Variants in DCAF12 observed in about 807,000 individuals in gnomAD.
DCAF12 encodes DDB1 and CUL4 associated factor 12, also known as DDB1- and CUL4-associated factor 12.
A neutral mutation model predicts 52.8 loss-of-function variants in DCAF12; 28 were observed. The observed-to-expected ratio is 0.53, with a 90% CI of 0.39 to 0.73. The LOEUF (loss-of-function observed/expected upper bound fraction) is 0.73, where lower values mean the gene tolerates loss of function less well. Ranked by LOEUF, DCAF12 falls within the 30% of genes least tolerant of loss-of-function variation. DCAF12 has a pLI of 0.00. For missense variants in DCAF12, 425 were observed against 552.2 expected (o/e 0.77, Z 2.31); for synonymous variants, 196 against 215.5 (o/e 0.91, Z 0.79).
chr9:34,115,597 C>CAA (rs546868535), intron 2 of DCAF12, among the ~76,000 whole-genome samples: 1 of 137,102 alleles, frequency 7.3e-6, no homozygotes, highest in African/African-American at 2.7e-5. Context: ...GACTTCGTCT[C>CAA]AAAAAAAAAA....
At chr9:34,103,818 A>G (rs555492378) in intron 4 of DCAF12, among the ~76,000 whole-genome samples, 3 of 152,234 alleles carry the variant, frequency 2.0e-5, no homozygotes, top group South Asian at 2.1e-4. Context: ...TCCAGCCTAC[A>G]TAACAGAGTG....
chr9:34,094,687 C>T (rs954052130), intron 6 of DCAF12, among the ~76,000 whole-genome samples: 19 of 151,892 alleles, frequency 1.3e-4, no homozygotes, highest in African/African-American at 3.6e-4. Flanking sequence ...CCCACCACCA[C>T]GCCCGGCTAA....
chr9:34,126,277 G>A, intron 1 of DCAF12, 77 bp downstream of exon 1: 1 of 1,558,446 alleles, frequency 6.4e-7, no homozygotes, highest in Non-Finnish European at 8.7e-7. Context: ...CCCGATTCCC[G>A]TCGCAGGATC....
intron 2 of DCAF12, among the ~76,000 whole-genome samples, chr9:34,124,026 T>A (rs1210890830): frequency 2.0e-5 from 3 of 152,336 alleles, no homozygotes; most frequent in Non-Finnish European, 4.4e-5. Context: ...ATGTCCTTTA[T>A]AAACAGACCA....
At chr9:34,112,871 C>A (rs574771402) in intron 2 of DCAF12, among the ~76,000 whole-genome samples, 1 of 152,250 alleles carries the variant, frequency 6.6e-6, no homozygotes, top group East Asian at 1.9e-4. Flanking sequence ...GCACTCCAAC[C>A]TGGGCAATAA....
At position 34,088,331 on chromosome 9, in the gene DCAF12, T is replaced by A; in HGVS notation, c.*19A>T. On this transcript the variant is annotated 3_prime_UTR_variant, in exon 9 of 9. Coordinates refer to ENST00000361264, the MANE Select transcript of DCAF12 (RefSeq NM_015397.4). ...GAGAATGGAAGTTAGTGTAAATCTCTGCATTTGGGGAGTTGTCATTAACTC... is the reference window on the plus strand; with the variant it reads ...GAGAATGGAAGTTAGTGTAAATCTCAGCATTTGGGGAGTTGTCATTAACTC... 6.5e-7 allele frequency: 1 copy of A among 1,528,094 alleles called. No homozygotes were observed. The highest frequency in any genetic ancestry group is 1.4e-5 in the African/African-American group (1 of 71,266). 94.7% of individuals were successfully genotyped at this position (1,528,094 alleles called of 1,614,324 possible).
chr9:34,105,132 A>C (rs12347013), intron 4 of DCAF12, among the ~76,000 whole-genome samples: 37,162 of 151,628 alleles, frequency 0.25, 4,811 homozygotes, highest in African/African-American at 0.32. Flanking sequence ...GGGCACCTGT[A>C]ATCCCAGCTA....
intron 2 of DCAF12, among the ~76,000 whole-genome samples, chr9:34,120,076 G>A (rs544330454): frequency 1.3e-5 from 2 of 151,552 alleles, no homozygotes; most frequent in East Asian, 1.9e-4. Context: ...GGTGGTGGGC[G>A]CCTATAATCC....
chr9:34,125,232 C>G lies in DCAF12; in HGVS notation c.124G>C (p.Val42Leu), dbSNP rs371708410. 3.0e-5 allele frequency: 49 copies of G among 1,614,088 alleles called. No individual in the cohort carries two copies. Among genetic ancestry groups the G allele is most frequent in the Non-Finnish European group, 3.6e-5 (43 of 1,180,052 alleles). ...SLHKRKRLPP[V>L]KRSLVYYLKN... ...AAGTAGTATACTAAGGATCTCTTCA[C>G]AGGAGGAAGTCTTTTCCTTTTGTGA... Residue 42 changes from valine to leucine, a missense_variant, in exon 2 of 9, where the codon GTG becomes CTG. Transcript: ENST00000361264.
chr9:34,093,759 T>C, intron 6 of DCAF12: 1 of 292,114 alleles, frequency 3.4e-6, no homozygotes, highest in Non-Finnish European at 6.7e-6. Context: ...TCAGGTTGTT[T>C]CTGGGAATCG....
intron 2 of DCAF12, 66 bp from the exon 3 acceptor site, chr9:34,107,631 T>C (rs1828925909): frequency 7.3e-7 from 1 of 1,370,956 alleles, no homozygotes; most frequent in Middle Eastern, 2.0e-4. Context: ...GGTATAAACA[T>C]CCTTTTGTTC....
At chr9:34,091,662 C>A (rs111822814) in intron 7 of DCAF12, among the ~76,000 whole-genome samples, 1,969 of 94,746 alleles carry the variant, frequency 0.021, 44 homozygotes, top group African/African-American at 0.064. Flanking sequence ...AAAAAAAAAA[C>A]CACAAAAAAC....
rs1206406935 is a variant in DCAF12, at chr9:34,126,290, C to A, written c.78+64G>T. The A allele has an allele frequency of 6.3e-6, 10 of 1,582,724 alleles. No individual in the cohort carries two copies. The African/African-American group carries it at 1.1e-4, about 17-fold the overall frequency. Reference sequence around the variant, plus strand: ...ACCCCGATTCCCGTCGCAGGATCTGCGGACCCTAAGCCCATCTTGGTTCCT... The same window carrying A: ...ACCCCGATTCCCGTCGCAGGATCTGAGGACCCTAAGCCCATCTTGGTTCCT... On this transcript the variant is annotated intron_variant, in intron 1 of 8. Transcript: ENST00000361264.
At chr9:34,092,293 C>A (rs945474009) in intron 7 of DCAF12, among the ~76,000 whole-genome samples, 10 of 152,192 alleles carry the variant, frequency 6.6e-5, no homozygotes, top group South Asian at 2.1e-4. Flanking sequence ...TTTCCTCATG[C>A]CCTTTGTAAA....
intron 1 of DCAF12, chr9:34,125,630 C>T (rs1398808154): frequency 2.1e-6 from 1 of 475,358 alleles, no homozygotes; most frequent in South Asian, 1.5e-5. Context: ...CTCTACCCAG[C>T]CCCCTTCTCC....
intron 2 of DCAF12, among the ~76,000 whole-genome samples, chr9:34,122,562 C>T (rs1356871456): frequency 4.0e-5 from 6 of 150,914 alleles, no homozygotes; most frequent in Middle Eastern, 7.0e-3. Context: ...CTACAACCTC[C>T]GCCTCCCGGG....
intron 2 of DCAF12, among the ~76,000 whole-genome samples, chr9:34,116,884 C>T (rs1008160744): frequency 2.6e-5 from 4 of 152,176 alleles, no homozygotes; most frequent in Non-Finnish European, 4.4e-5. Context: ...GAGGATGAGG[C>T]AGAAGAATCG....
At chr9:34,090,014 C>T (rs760452794) in intron 7 of DCAF12, 53 of 155,254 alleles carry the variant, frequency 3.4e-4, no homozygotes, top group Non-Finnish European at 6.7e-4. Context: ...ATTAAGTCAT[C>T]AACGATTCCT....
At chr9:34,106,338 C>A in intron 4 of DCAF12, 96 bp downstream of exon 4, 3 of 1,078,222 alleles carry the variant, frequency 2.8e-6, no homozygotes, top group East Asian at 5.4e-5. Context: ...TCACTGAGCC[C>A]GGCTGGGCTG....
Sources: allele counts gnomAD v4.1 joint callset (sites outside exome capture counted in the v4.1 genomes callset), GRCh38; gene constraint gnomAD v4.1.1; transcripts MANE v1.5; gene names NCBI Gene and HGNC (gene_info 2026-07-23, HGNC 2026-07-21).